The following KCNV1 variants were observed in gnomAD, a reference collection of about 807,000 sequenced individuals.
The protein encoded by KCNV1 is potassium voltage-gated channel subfamily V member 1.
Under a neutral mutation model 36.4 loss-of-function variants are expected in KCNV1, and 2 were observed. That is an observed-to-expected ratio of 0.05 (90% CI 0.02 to 0.17). The LOEUF (loss-of-function observed/expected upper bound fraction) is 0.17. Among genes scored for constraint, KCNV1 ranks in the 10% least tolerant of loss-of-function variants. KCNV1 has a pLI of 1.00. For synonymous variants in KCNV1, 280 were observed against 261.1 expected (o/e 1.07, Z -0.70); for missense variants, 321 against 643.6 (o/e 0.50, Z 5.42).
In KCNV1 at chr8:109,972,920, T is replaced by C; in HGVS notation, c.462-133A>G. On this transcript the variant is annotated intron_variant, in intron 2 of 3. Coordinates refer to ENST00000524391, the MANE Select transcript of KCNV1 (RefSeq NM_014379.4). The surrounding 1 kb of genome is among the most constrained non-coding windows in gnomAD (Gnocchi z 5.2). ...GAAAAATGTCTATTCATATTTTACT[T>C]AGGTTGTGTCTTACCCACAGTATTC... is the stretch of plus-strand genomic sequence containing the variant. 1 of 660,200 alleles carries C rather than the reference T, an allele frequency of 1.5e-6. No individual in the cohort carries two copies. Among genetic ancestry groups the C allele is most frequent in the East Asian group, 2.7e-5 (1 of 37,002 alleles). The allele number at this position is 660,200 out of a possible 1,614,324, so 40.9% of individuals were successfully genotyped here.
chr8:109,970,500 G>C (rs1030133672), intron 3 of KCNV1, among the ~76,000 whole-genome samples: 1 of 152,134 alleles, frequency 6.6e-6, no homozygotes, highest in Non-Finnish European at 1.5e-5. Flanking sequence ...GAGGCATAAA[G>C]AGATAGCTTA....
In KCNV1 at chr8:109,968,813, A is replaced by T. The variant is rs1819974517; in HGVS notation, c.992-214T>A. ...TCTAGTTGATGGGGCCAGGTTGAGA[A>T]GGCTAGAGAGAAATATAATTAGATT... On this transcript the variant is annotated intron_variant, in intron 3 of 3. Coordinates refer to ENST00000524391, the MANE Select transcript of KCNV1 (RefSeq NM_014379.4). The surrounding 1 kb of genome is among the most constrained non-coding windows in gnomAD (Gnocchi z 5.3). Among the ~76,000 whole-genome samples the T allele has an allele frequency of 6.6e-6, 1 of 152,192 alleles. No homozygotes were observed. The highest frequency in any genetic ancestry group is 2.1e-4 in the South Asian group (1 of 4,836).
Position 109,974,915 on chromosome 8 carries a change from C to T in KCNV1, c.-527G>A, listed in dbSNP as rs1349737197. On this transcript the variant is annotated 5_prime_UTR_variant, in exon 2 of 4. Transcript: ENST00000524391. The surrounding 1 kb of genome is among the most constrained non-coding windows in gnomAD (Gnocchi z 6.2). ...GCAAGCAAGCAAGCAAGGGGGATGG[C>T]GAGACTCACTCCTGCCCGCAGGAGA... 2 of 155,976 alleles carry T rather than the reference C, an allele frequency of 1.3e-5. No individual in the cohort carries two copies. The highest frequency in any genetic ancestry group is 2.8e-5 in the Non-Finnish European group (2 of 70,700). 9.7% of individuals were successfully genotyped at this position (155,976 alleles called of 1,614,324 possible). A position where few individuals can be genotyped will look rare whatever the true frequency, so the allele number is the denominator to read the frequency against.
Position 109,974,050 on chromosome 8 carries a change from G to A in KCNV1, c.339C>T (p.Val113=), listed in dbSNP as rs371597752. 2.2e-5 allele frequency: 36 copies of A among 1,613,264 alleles called. No homozygotes were observed. The highest frequency in any genetic ancestry group is 3.1e-5 in the Non-Finnish European group (36 of 1,179,912). ...GGCGGCCGGTGCGGTAGTAGTGCAGGACATATCGGAACGCCTGCGAGCTGC... is the reference window on the plus strand; with the variant it reads ...GGCGGCCGGTGCGGTAGTAGTGCAGAACATATCGGAACGCCTGCGAGCTGC... The part of the protein sequence containing the change: ...FDRSSQAFRY[V]LHYYRTGRLH... Residue 113 remains valine, a synonymous_variant, in exon 2 of 4, where the codon GTC becomes GTT. Coordinates refer to ENST00000524391, the MANE Select transcript of KCNV1 (RefSeq NM_014379.4). This position sits in a 1 kb window ranked among gnomAD's most constrained non-coding sequence, Gnocchi z 6.2.
chr8:109,970,832 T>C (rs953991266), intron 3 of KCNV1, among the ~76,000 whole-genome samples: 1 of 152,202 alleles, frequency 6.6e-6, no homozygotes, highest in Non-Finnish European at 1.5e-5. Flanking sequence ...TGTTTTTAAA[T>C]TGAGTCTTGT....
intron 2 of KCNV1, among the ~76,000 whole-genome samples, chr8:109,973,478 T>A (rs2130898924): frequency 6.6e-6 from 1 of 152,308 alleles, no homozygotes; most frequent in South Asian, 2.1e-4. Flanking sequence ...AGTTCCACAA[T>A]CATTCAATCA....
intron 3 of KCNV1, among the ~76,000 whole-genome samples, chr8:109,970,988 A>G (rs1057261998): frequency 6.6e-6 from 1 of 152,222 alleles, no homozygotes; most frequent in Non-Finnish European, 1.5e-5. Context: ...AAATTATATT[A>G]TAATAAGTTC....
At position 109,975,680 on chromosome 8, in the gene KCNV1, T is replaced by G. The variant is rs917961378; in HGVS notation, c.-866A>C. On this transcript the variant is annotated 5_prime_UTR_variant, in exon 1 of 4. Transcript: ENST00000524391. ...GCGCCGCAGGTAACGTACTCTTCTT[T>G]TGATCCTCTTAGTCTACACGTGAGG... 1 of 152,820 alleles carries G rather than the reference T, an allele frequency of 6.5e-6. No homozygotes were observed. Among genetic ancestry groups the G allele is most frequent in the African/African-American group, 2.4e-5 (1 of 41,464 alleles). The allele number at this position is 152,820 out of a possible 1,614,324, so 9.5% of individuals were successfully genotyped here.
At position 109,966,503 on chromosome 8, in the gene KCNV1, A is replaced by T. The variant is rs1023185324; in HGVS notation, c.*1585T>A. 5 of 152,222 alleles carry T rather than the reference A, an allele frequency of 3.3e-5. No individual in the cohort carries two copies. The highest frequency in any genetic ancestry group is 1.2e-4 in the African/African-American group (5 of 41,468). 9.4% of individuals were successfully genotyped at this position (152,222 alleles called of 1,614,324 possible). On this transcript the variant is annotated 3_prime_UTR_variant, in exon 4 of 4. Transcript: ENST00000524391. ...ATCAGTGAAAATGTTTTCAGAGCTTAACCATGCATACCAGAAAACAGGAGG... is the reference window on the plus strand; with the variant it reads ...ATCAGTGAAAATGTTTTCAGAGCTTTACCATGCATACCAGAAAACAGGAGG...
In KCNV1 at chr8:109,972,843, A is replaced by G. The variant is rs1820028492; in HGVS notation, c.462-56T>C. On this transcript the variant is annotated intron_variant, in intron 2 of 3. Coordinates refer to ENST00000524391, the MANE Select transcript of KCNV1 (RefSeq NM_014379.4). The surrounding 1 kb of genome is among the most constrained non-coding windows in gnomAD (Gnocchi z 5.2). ...TAACTTTATTAAAATACAGAAGTAT[A>G]AGATAATTAAACATGGCAGGGAGGT... The G allele has an allele frequency of 1.5e-6, 2 of 1,366,826 alleles. No individual in the cohort carries two copies. The highest frequency in any genetic ancestry group is 2.0e-6 in the Non-Finnish European group (2 of 1,009,334). 84.7% of individuals were successfully genotyped at this position (1,366,826 alleles called of 1,614,324 possible). A position where few individuals can be genotyped will look rare whatever the true frequency, so the allele number is the denominator to read the frequency against.
At chr8:109,971,371 G>A (rs1395814683) in intron 3 of KCNV1, among the ~76,000 whole-genome samples, 4 of 152,046 alleles carry the variant, frequency 2.6e-5, no homozygotes, top group Non-Finnish European at 5.9e-5. Flanking sequence ...TTTCATTAAG[G>A]TATGTCATAA....
Position 109,966,722 on chromosome 8 carries a change from C to T in KCNV1, c.*1366G>A, listed in dbSNP as rs544899436. ...TATAGCTATATATTAAAGCAGTCCTCAATGTTTATTTCTTATCACCATTCA... is the reference window on the plus strand; with the variant it reads ...TATAGCTATATATTAAAGCAGTCCTTAATGTTTATTTCTTATCACCATTCA... On this transcript the variant is annotated 3_prime_UTR_variant, in exon 4 of 4. Transcript: ENST00000524391. 1.8e-4 allele frequency: 28 copies of T among 152,260 alleles called. No individual in the cohort carries two copies. Among genetic ancestry groups the T allele is most frequent in the Non-Finnish European group, 3.2e-4 (22 of 68,000 alleles). The allele number at this position is 152,260 out of a possible 1,614,324, so 9.4% of individuals were successfully genotyped here.
intron 3 of KCNV1, among the ~76,000 whole-genome samples, chr8:109,970,787 C>T (rs1317632534): frequency 1.3e-5 from 2 of 152,024 alleles, no homozygotes; most frequent in Non-Finnish European, 2.9e-5. Context: ...TTTTCCTTTT[C>T]CTTTCTTTTG....
Position 109,966,367 on chromosome 8 carries a change from A to G in KCNV1, c.*1721T>C, listed in dbSNP as rs538897026. Reference sequence around the variant, plus strand: ...CCCATGTATGTGTGTAAGAAGTAAAATATTTATCTTACTAATATTCATATC... The same window carrying G: ...CCCATGTATGTGTGTAAGAAGTAAAGTATTTATCTTACTAATATTCATATC... On this transcript the variant is annotated 3_prime_UTR_variant, in exon 4 of 4. Coordinates refer to ENST00000524391, the MANE Select transcript of KCNV1 (RefSeq NM_014379.4). 2.0e-5 allele frequency: 3 copies of G among 150,216 alleles called. No homozygotes were observed. Among genetic ancestry groups the G allele is most frequent in the Admixed American group, 1.3e-4 (2 of 15,240 alleles). The allele number at this position is 150,216 out of a possible 1,614,324, so 9.3% of individuals were successfully genotyped here.
In KCNV1 at chr8:109,973,981, C is replaced by T. The variant is rs114829043; in HGVS notation, c.408G>A (p.Glu136=). The change falls in exon 2 of 4, where the codon GAG becomes GAA. Residue 136 remains glutamate, a synonymous_variant. Coordinates refer to ENST00000524391, the MANE Select transcript of KCNV1 (RefSeq NM_014379.4). ...GCTCATCGATGCCCCAGTACTGGAT[C>T]TCCTGCAGGAAGGAGAGCGCGCACA... is the stretch of plus-strand genomic sequence containing the variant. ...EQLCALSFLQ[E]IQYWGIDELS... is the part of the protein sequence containing the mutation. 1.4e-3 allele frequency: 2,251 copies of T among 1,613,212 alleles called. 26 individuals carry two copies. The African/African-American group carries it at 0.027, about 20-fold the overall frequency.
chr8:109,973,888 G>T (rs1820044213), intron 2 of KCNV1, 40 bp downstream of exon 2: 1 of 1,479,334 alleles, frequency 6.8e-7, no homozygotes, highest in Non-Finnish European at 9.1e-7. Flanking sequence ...TCTCTGCCGC[G>T]CCCGCCTCCC....
Position 109,972,820 on chromosome 8 carries a change from A to G in KCNV1, c.462-33T>C, listed in dbSNP as rs375460818. 40 of 1,497,908 alleles carry G rather than the reference A, an allele frequency of 2.7e-5. No individual in the cohort carries two copies. The highest frequency in any genetic ancestry group is 3.4e-5 in the Non-Finnish European group (38 of 1,116,502). 92.8% of individuals were successfully genotyped at this position (1,497,908 alleles called of 1,614,324 possible). On this transcript the variant is annotated intron_variant, in intron 2 of 3. Coordinates refer to ENST00000524391, the MANE Select transcript of KCNV1 (RefSeq NM_014379.4). The surrounding 1 kb of genome is among the most constrained non-coding windows in gnomAD (Gnocchi z 5.2). ...AGAAAACAATTTGGTGATTAGTCTA[A>G]CTTTATTAAAATACAGAAGTATAAG...
chr8:109,971,179 T>A (rs1179856600), intron 3 of KCNV1, among the ~76,000 whole-genome samples: 1 of 152,184 alleles, frequency 6.6e-6, no homozygotes, highest in Admixed American at 6.5e-5. Context: ...TGTATCAACA[T>A]ATATAAAATT....
At chr8:109,973,792 G>A in intron 2 of KCNV1, 136 bp downstream of exon 2, 1 of 198,192 alleles carries the variant, frequency 5.0e-6, no homozygotes, top group Non-Finnish European at 9.3e-6. Context: ...CCACCTGTCA[G>A]CCCAGAAGTG....
Sources: allele counts gnomAD v4.1 joint callset (sites outside exome capture counted in the v4.1 genomes callset), GRCh38; gene constraint gnomAD v4.1.1; non-coding constraint Gnocchi (gnomAD v3.1); transcripts MANE v1.5; gene names NCBI Gene and HGNC (gene_info 2026-07-23, HGNC 2026-07-21).